PKD1L1: variants seen among roughly 807,000 people sequenced by gnomAD.
PKD1L1 encodes the protein polycystin 1 like 1, transient receptor potential channel interacting, also known as polycystin-1-like protein 1.
A neutral mutation model predicts 323.4 loss-of-function variants in PKD1L1; 236 were observed. The observed-to-expected ratio is 0.73, with a 90% CI of 0.66 to 0.81. PKD1L1 has a LOEUF of 0.81. Ranked by LOEUF, PKD1L1 falls within the 40% of genes least tolerant of loss-of-function variation. PKD1L1 has a pLI of 0.00. For missense variants in PKD1L1, 3,320 were observed against 3,508.0 expected, an observed-to-expected ratio of 0.95 and a Z score of 1.35; for synonymous variants, 1,344 against 1,335.0, an observed-to-expected ratio of 1.01 and a Z score of -0.15.
intron 15 of PKD1L1, among the ~76,000 whole-genome samples, chr7:47,892,198 G>A (rs539155963): frequency 2.0e-5 from 3 of 152,294 alleles, no homozygotes; most frequent in East Asian, 3.9e-4. Flanking sequence ...TGTCATTTTG[G>A]AGTCTCAGTG....
At chr7:47,878,891 G>C (rs1786467558) in intron 21 of PKD1L1, among the ~76,000 whole-genome samples, 2 of 152,200 alleles carry the variant, frequency 1.3e-5, no homozygotes, top group Admixed American at 6.5e-5. Context: ...AGCCAGCCAA[G>C]GACACTGACC....
intron 10 of PKD1L1, 94 bp downstream of exon 10, chr7:47,905,749 A>G: frequency 6.5e-7 from 1 of 1,531,834 alleles, no homozygotes; most frequent in Non-Finnish European, 8.8e-7. Context: ...AGCAGAGCCG[A>G]TAACAAAACC....
At chr7:47,803,149 G>GAT (rs1417761188) in intron 53 of PKD1L1, 61 bp downstream of exon 53, 1 of 1,565,580 alleles carries the variant, frequency 6.4e-7, no homozygotes, top group East Asian at 2.3e-5. Flanking sequence ...GAGAAAGGCT[G>GAT]ACGAGTACAC....
At position 47,931,949 on chromosome 7, in the gene PKD1L1, G is replaced by A. The variant is rs754345629; in HGVS notation, c.506C>T (p.Ser169Phe). ...TTAGATACCAACCTGGAGAAGAGCA[G>A]AGAATGTGCTGTCTGCGGTCCCAGT... ...CATGTADSTF[S>F]ALLQLQGTTS... The change falls in exon 5 of 57, where the codon TCT (serine) becomes TTT (phenylalanine). Residue 169 changes from serine (S) to phenylalanine (F), a missense_variant. Transcript: ENST00000289672. The A allele has an allele frequency of 3.1e-6, 5 of 1,613,242 alleles. No individual in the cohort carries two copies. The South Asian group carries it at 5.5e-5, about 18-fold the overall frequency.
chr7:47,814,736 A>G (rs1485820728), intron 47 of PKD1L1, among the ~76,000 whole-genome samples: 1 of 151,928 alleles, frequency 6.6e-6, no homozygotes, highest in Non-Finnish European at 1.5e-5. Flanking sequence ...CTGGTCTCGA[A>G]CTCCTGACCT....
chr7:47,789,743 T>C (rs1025775008), intron 56 of PKD1L1, among the ~76,000 whole-genome samples: 45 of 152,334 alleles, frequency 3.0e-4, no homozygotes, highest in African/African-American at 1.1e-3. Context: ...CATTCAAAAA[T>C]AACAATATAT....
intron 46 of PKD1L1, among the ~76,000 whole-genome samples, chr7:47,819,309 A>T (rs1382526330): frequency 1.3e-5 from 2 of 152,198 alleles, no homozygotes; most frequent in Non-Finnish European, 2.9e-5. Flanking sequence ...TGCACCTGAG[A>T]GATCTCACAA....
intron 24 of PKD1L1, among the ~76,000 whole-genome samples, chr7:47,869,947 T>C (rs1269897319): frequency 6.6e-6 from 1 of 152,134 alleles, no homozygotes; most frequent in Non-Finnish European, 1.5e-5. Context: ...TTTGGAAAAT[T>C]ACAAATATGT....
chr7:47,821,984 C>T (rs977508571), intron 45 of PKD1L1, among the ~76,000 whole-genome samples: 1 of 152,098 alleles, frequency 6.6e-6, no homozygotes, highest in African/African-American at 2.4e-5. Context: ...TCACCATGCC[C>T]GGCCCCCAGC....
chr7:47,844,062 C>A (rs891006464), intron 33 of PKD1L1, among the ~76,000 whole-genome samples: 1 of 152,148 alleles, frequency 6.6e-6, no homozygotes, highest in African/African-American at 2.4e-5. Context: ...CCCTGTAGAA[C>A]TTCAGGTGTT....
Position 47,893,864 on chromosome 7 carries a change from G to C in PKD1L1, c.2453+14C>G. 6.2e-7 allele frequency: 1 copy of C among 1,610,858 alleles called. No individual in the cohort carries two copies. The highest frequency in any genetic ancestry group is 8.5e-7 in the Non-Finnish European group (1 of 1,178,818). ...CTGAGTAGCTGCGCAGCTCTGTGTG[G>C]GGGTGGTGCTCACCTGAGAGTCGCC... On this transcript the variant is annotated intron_variant, in intron 15 of 56. Coordinates refer to ENST00000289672, the MANE Select transcript of PKD1L1 (RefSeq NM_138295.5).
At chr7:47,849,611 A>G (rs1785737109) in intron 31 of PKD1L1, among the ~76,000 whole-genome samples, 1 of 152,236 alleles carries the variant, frequency 6.6e-6, no homozygotes. Context: ...TAATAGGGAA[A>G]TGCAAATTAA....
Position 47,885,960 on chromosome 7 carries a change from G to A in PKD1L1, c.2931C>T (p.Gly977=). The change falls in exon 18 of 57, where the codon GGC becomes GGT. Residue 977 remains glycine, a synonymous_variant. Transcript: ENST00000289672. ...TGGTCGTTGCATCAGGATCTGCAGT[G>A]CCAGGCTCAGTGGGCAGCAGGTTTA... The part of the protein sequence containing the change: ...SQLNLLPTEP[G]TADPDATTTP... 6.2e-7 allele frequency: 1 copy of A among 1,614,198 alleles called. No individual in the cohort carries two copies. The highest frequency in any genetic ancestry group is 8.5e-7 in the Non-Finnish European group (1 of 1,180,034).
chr7:47,831,262 G>C lies in PKD1L1; in HGVS notation c.6428C>G (p.Thr2143Ser). 6.2e-7 allele frequency: 1 copy of C among 1,614,108 alleles called. No individual in the cohort carries two copies. The highest frequency in any genetic ancestry group is 8.5e-7 in the Non-Finnish European group (1 of 1,180,002). The change falls in exon 42 of 57, where the codon ACC (threonine) becomes AGC (serine). Residue 2143 changes from threonine to serine, a missense_variant. Transcript: ENST00000289672. ...WSSAVWAICG[T>S]ASLACSLGTG... ...CCCCAAACTGCAGGCCAAAGAAGCG[G>C]TCCCACAAATGGCCCACACTGCAGA...
At chr7:47,927,412 C>T (rs558290627) in intron 7 of PKD1L1, among the ~76,000 whole-genome samples, 23 of 151,852 alleles carry the variant, frequency 1.5e-4, no homozygotes, top group Non-Finnish European at 3.1e-4. Flanking sequence ...CTAAGTAGGG[C>T]GCGCCACCAC....
chr7:47,919,567 CA>C (rs1562990025), intron 7 of PKD1L1, among the ~76,000 whole-genome samples: 1 of 151,836 alleles, frequency 6.6e-6, no homozygotes, highest in Non-Finnish European at 1.5e-5. Flanking sequence ...AGGACATAAC[CA>C]AAAAAGAAAA....
intron 8 of PKD1L1, among the ~76,000 whole-genome samples, chr7:47,913,434 AGGTT>A (rs1194993295): frequency 4.6e-5 from 7 of 152,136 alleles, no homozygotes; most frequent in Admixed American, 3.9e-4. Flanking sequence ...CCAGTATTGA[AGGTT>A]GGGCCTTCAG....
At chr7:47,817,940 T>C in intron 46 of PKD1L1, 1 of 999,596 alleles carries the variant, frequency 1.0e-6, no homozygotes, top group South Asian at 1.6e-5. Context: ...GTTTTATTTC[T>C]TTTTTCTTAC....
chr7:47,865,109 T>C (rs1160714854), intron 26 of PKD1L1, 107 bp downstream of exon 26: 1 of 777,536 alleles, frequency 1.3e-6, no homozygotes, highest in Non-Finnish European at 2.1e-6. Flanking sequence ...ACATTTCTAA[T>C]CTAAGTGTCA....
Sources: allele counts gnomAD v4.1 joint callset (sites outside exome capture counted in the v4.1 genomes callset), GRCh38; gene constraint gnomAD v4.1.1; transcripts MANE v1.5; gene names NCBI Gene and HGNC (gene_info 2026-07-23, HGNC 2026-07-21).